ERC1: variants seen among roughly 807,000 people sequenced by gnomAD.
The protein encoded by ERC1 is ELKS/RAB6-interacting/CAST family member 1.
In ERC1, 56 loss-of-function variants were observed where a neutral mutation model predicts 132.0. That is an observed-to-expected ratio of 0.42 (90% CI 0.34 to 0.53). The LOEUF (loss-of-function observed/expected upper bound fraction) is 0.53. Among genes scored for constraint, ERC1 ranks in the 20% least tolerant of loss-of-function variants. ERC1 has a pLI of 0.03. For missense variants in ERC1, 1,202 were observed against 1,349.9 expected (o/e 0.89, Z 1.72); for synonymous variants, 478 against 476.1 (o/e 1.00, Z -0.05).
intron 14 of ERC1, among the ~76,000 whole-genome samples, chr12:1,272,324 G>A (rs570825488): frequency 6.6e-6 from 1 of 152,306 alleles, no homozygotes; most frequent in East Asian, 1.9e-4. Context: ...TCACTGGTTG[G>A]CTGAAGGCCC....
At chr12:1,415,902 A>T (rs1447198146) in intron 17 of ERC1, among the ~76,000 whole-genome samples, 2 of 152,228 alleles carry the variant, frequency 1.3e-5, no homozygotes, top group Non-Finnish European at 2.9e-5. Flanking sequence ...AACATTTATT[A>T]AGCATTTACT....
At chr12:1,015,467 C>A (rs1240897007) in intron 1 of ERC1, among the ~76,000 whole-genome samples, 2 of 152,118 alleles carry the variant, frequency 1.3e-5, no homozygotes, top group South Asian at 2.1e-4. Flanking sequence ...TTCAACTAAT[C>A]TCTTTGGAAA....
At chr12:1,138,033 TTA>T (rs1308375455) in intron 7 of ERC1, among the ~76,000 whole-genome samples, 7 of 127,272 alleles carry the variant, frequency 5.5e-5, no homozygotes, top group African/African-American at 2.1e-4. Context: ...TATTATATAA[TTA>T]TATATAAAAT....
At chr12:1,143,004 T>C (rs1180674140) in intron 8 of ERC1, among the ~76,000 whole-genome samples, 2 of 152,180 alleles carry the variant, frequency 1.3e-5, no homozygotes, top group African/African-American at 2.4e-5. Flanking sequence ...GTTCGAGTGA[T>C]TCCCCTGTCT....
chr12:1,307,243 A>G (rs1177179407), intron 15 of ERC1, among the ~76,000 whole-genome samples: 4 of 152,190 alleles, frequency 2.6e-5, no homozygotes, highest in African/African-American at 4.8e-5. Context: ...TTTAATGAGT[A>G]TTGCGTAAAA....
chr12:1,138,591 T>C (rs73041037), intron 7 of ERC1, among the ~76,000 whole-genome samples: 10,885 of 151,862 alleles, frequency 0.072, 492 homozygotes, highest in Middle Eastern at 0.14. Flanking sequence ...CCTTGAAAGA[T>C]GTGTTCAGTA....
intron 16 of ERC1, among the ~76,000 whole-genome samples, chr12:1,377,601 A>G (rs1008840235): frequency 3.3e-5 from 5 of 152,240 alleles, no homozygotes; most frequent in African/African-American, 7.2e-5. Context: ...AAGAAAATGT[A>G]TATAGGTTAA....
chr12:1,070,307 C>CT (rs35289231), intron 2 of ERC1, among the ~76,000 whole-genome samples: 33,479 of 146,814 alleles, frequency 0.23, 4,097 homozygotes, highest in Middle Eastern at 0.28. Flanking sequence ...TTTTTCTTTT[C>CT]TTTTTTTTTT....
intron 17 of ERC1, among the ~76,000 whole-genome samples, chr12:1,440,846 G>C (rs2093131341): frequency 6.6e-6 from 1 of 151,628 alleles, no homozygotes; most frequent in Non-Finnish European, 1.5e-5. Flanking sequence ...AGGTTTCACT[G>C]TGTTGGCCAG....
At chr12:1,301,852 T>C (rs1169545436) in intron 15 of ERC1, among the ~76,000 whole-genome samples, 1 of 152,144 alleles carries the variant, frequency 6.6e-6, no homozygotes, top group Non-Finnish European at 1.5e-5. Context: ...AAATAGAATT[T>C]ATAATCAAAA....
intron 15 of ERC1, among the ~76,000 whole-genome samples, chr12:1,371,218 A>G (rs1032327315): frequency 1.3e-5 from 2 of 150,610 alleles, no homozygotes; most frequent in Admixed American, 6.6e-5. Flanking sequence ...CTGCCTTGCA[A>G]CCACCATTCT....
At chr12:1,225,449 TACACACACACACACACACACACACACAC>T in intron 12 of ERC1, among the ~76,000 whole-genome samples, 1 of 131,848 alleles carries the variant, frequency 7.6e-6, no homozygotes, top group Non-Finnish European at 1.6e-5. Context: ...GGCTGTCTCT[TACACACACACACACACACACACACACAC>T]ACACACACAC....
In ERC1 at chr12:1,408,344, G is replaced by A. The variant is rs2091638378; in HGVS notation, c.3024+97G>A. On this transcript the variant is annotated intron_variant, in intron 17 of 18. Coordinates refer to ENST00000360905, the MANE Select transcript of ERC1 (RefSeq NM_178040.4). ...GTTGCAAATTCTGAGATATAAGTTA[G>A]AAGAATAAAAATAAATAGCTAATTC... is the stretch of plus-strand genomic sequence containing the variant. 10 of 781,700 alleles carry A rather than the reference G, an allele frequency of 1.3e-5. No individual in the cohort carries two copies. The South Asian group carries it at 2.0e-4, about 15-fold the overall frequency. The allele number at this position is 781,700 out of a possible 1,614,324, so 48.4% of individuals were successfully genotyped here.
At chr12:1,334,666 A>C (rs2083158247) in intron 15 of ERC1, among the ~76,000 whole-genome samples, 2 of 152,158 alleles carry the variant, frequency 1.3e-5, no homozygotes, top group African/African-American at 2.4e-5. Context: ...AGGTAGCGTG[A>C]TGCCTCCAGG....
intron 1 of ERC1, among the ~76,000 whole-genome samples, chr12:1,022,620 G>A (rs1456339323): frequency 2.6e-5 from 4 of 152,032 alleles, no homozygotes; most frequent in Admixed American, 6.6e-5. Context: ...GAATCGTGGG[G>A]TCGGTTACCC....
chr12:1,051,383 G>A (rs1460930228), intron 2 of ERC1, among the ~76,000 whole-genome samples: 4 of 151,882 alleles, frequency 2.6e-5, no homozygotes, highest in African/African-American at 7.3e-5. Flanking sequence ...CACTTATCTC[G>A]GTATAATTAG....
chr12:1,407,277 TTA>T (rs138176477), intron 16 of ERC1, among the ~76,000 whole-genome samples: 5 of 150,752 alleles, frequency 3.3e-5, no homozygotes, highest in Admixed American at 6.6e-5. Context: ...GAAAAGCTAT[TTA>T]TATATATATA....
intron 12 of ERC1, among the ~76,000 whole-genome samples, chr12:1,213,229 G>GA (rs1958044615): frequency 6.6e-6 from 1 of 152,034 alleles, no homozygotes; most frequent in Non-Finnish European, 1.5e-5. Context: ...CATAAAGAGG[G>GA]AAAAACCCCA....
chr12:1,247,255 G>T (rs2076213070), intron 13 of ERC1, among the ~76,000 whole-genome samples: 1 of 151,274 alleles, frequency 6.6e-6, no homozygotes, highest in Admixed American at 6.6e-5. Context: ...AATCCGGAAA[G>T]AAAGGACATT....
Sources: gnomAD v4.1 joint callset for allele counts (sites outside exome capture counted in the v4.1 genomes callset) on GRCh38, gnomAD v4.1.1 for gene constraint, MANE v1.5 for transcripts, NCBI Gene and HGNC (gene_info 2026-07-23, HGNC 2026-07-21) for gene names.